CDK14: variants seen among roughly 807,000 people sequenced by gnomAD.
The protein encoded by CDK14 is cyclin-dependent kinase 14.
A neutral mutation model predicts 60.7 loss-of-function variants in CDK14; 34 were observed. The ratio of observed to expected loss-of-function variants is 0.56; its 90% CI spans 0.43 to 0.75. The LOEUF (loss-of-function observed/expected upper bound fraction) is 0.75. Among genes scored for constraint, CDK14 ranks in the 30% least tolerant of loss-of-function variants. CDK14 has a pLI of 0.00. For synonymous variants in CDK14, 197 were observed against 203.7 expected (o/e 0.97, Z 0.28); for missense variants, 482 against 564.1 (o/e 0.85, Z 1.47).
intron 1 of CDK14, among the ~76,000 whole-genome samples, chr7:90,600,056 T>C (rs1197812282): frequency 6.6e-6 from 1 of 152,236 alleles, no homozygotes; most frequent in East Asian, 1.9e-4. Context: ...CAAGCCATAG[T>C]GCTCTAATTT....
chr7:90,909,575 T>G (rs1461218645), intron 7 of CDK14, among the ~76,000 whole-genome samples: 1 of 152,030 alleles, frequency 6.6e-6, no homozygotes, highest in Non-Finnish European at 1.5e-5. Flanking sequence ...ATAAGTCTCC[T>G]AGCTCTAGAT....
chr7:90,692,199 G>C (rs144484307), intron 2 of CDK14, among the ~76,000 whole-genome samples: 1 of 152,036 alleles, frequency 6.6e-6, no homozygotes, highest in Non-Finnish European at 1.5e-5. Context: ...TTCTTATATC[G>C]TTGGTCCATC....
At chr7:90,919,610 T>G (rs1363612442) in intron 8 of CDK14, among the ~76,000 whole-genome samples, 2 of 152,240 alleles carry the variant, frequency 1.3e-5, no homozygotes, top group Admixed American at 6.5e-5. Context: ...CATTCCTTGC[T>G]TCACTTGCAT....
chr7:91,124,506 CT>C lies in CDK14; in HGVS notation c.*28+6308del, dbSNP rs532460764. Among the ~76,000 whole-genome samples, 420 of 147,758 alleles carry C rather than the reference CT, an allele frequency of 2.8e-3. 3 individuals are homozygous for C. Among genetic ancestry groups the C allele is most frequent in the South Asian group, 0.013 (60 of 4,616 alleles). ...ATAATAAATTTTTGCCCTTTCTTTC[CT>C]TTTTTTTTTCTCTGATTAAGGTTTT... On this transcript the variant is annotated intron_variant, in intron 14 of 14. Transcript: ENST00000380050.
At chr7:90,790,019 A>C (rs943771259) in intron 4 of CDK14, among the ~76,000 whole-genome samples, 1 of 152,116 alleles carries the variant, frequency 6.6e-6, no homozygotes, top group South Asian at 2.1e-4. Context: ...ACATACTGTA[A>C]TATAAAGCAC....
At chr7:90,773,645 T>G (rs1229746930) in intron 4 of CDK14, among the ~76,000 whole-genome samples, 1 of 152,182 alleles carries the variant, frequency 6.6e-6, no homozygotes, top group Non-Finnish European at 1.5e-5. Flanking sequence ...TAGCTGAAAT[T>G]AAAGGTGTGA....
chr7:90,965,782 T>A (rs1320951099), intron 9 of CDK14, among the ~76,000 whole-genome samples: 1 of 152,236 alleles, frequency 6.6e-6, no homozygotes. Context: ...ATATCATTAA[T>A]GATAATGTAT....
intron 2 of CDK14, chr7:90,631,852 C>T (rs1251483963): frequency 6.6e-6 from 1 of 152,222 alleles, no homozygotes; most frequent in Admixed American, 6.5e-5. Flanking sequence ...GGAAAAAGGT[C>T]ACTGAAGGTG....
At chr7:91,160,721 A>G (rs527498812) in intron 14 of CDK14, among the ~76,000 whole-genome samples, 1 of 151,822 alleles carries the variant, frequency 6.6e-6, no homozygotes, top group Admixed American at 6.6e-5. Flanking sequence ...CATGCTTGCT[A>G]TTTCCTTTTT....
At chr7:90,645,622 ACT>A (rs1029879850) in intron 2 of CDK14, among the ~76,000 whole-genome samples, 6 of 152,046 alleles carry the variant, frequency 3.9e-5, no homozygotes, top group Non-Finnish European at 7.4e-5. Context: ...ATGAGATCTC[ACT>A]CTGTCATCAG....
chr7:91,029,504 G>A (rs1796693767), intron 10 of CDK14, among the ~76,000 whole-genome samples: 1 of 150,884 alleles, frequency 6.6e-6, no homozygotes, highest in Non-Finnish European at 1.5e-5. Flanking sequence ...TTTAATCGGT[G>A]TTTTATAGTT....
intron 2 of CDK14, among the ~76,000 whole-genome samples, chr7:90,637,188 G>T (rs76427178): frequency 0.85 from 128,406 of 150,894 alleles, 54,752 homozygotes; most frequent in East Asian, 1. Flanking sequence ...TTTTGAATGT[G>T]TTTGCTCTTG....
chr7:90,681,618 C>T (rs1801319137), intron 2 of CDK14, among the ~76,000 whole-genome samples: 1 of 151,960 alleles, frequency 6.6e-6, no homozygotes, highest in East Asian at 1.9e-4. Flanking sequence ...AATATAAGTG[C>T]ATAAAAAAGA....
chr7:91,194,214 A>G (rs1029807974), intron 14 of CDK14, among the ~76,000 whole-genome samples: 3 of 152,222 alleles, frequency 2.0e-5, no homozygotes, highest in African/African-American at 7.2e-5. Flanking sequence ...AGTATTTTAT[A>G]TCGTGTTTGG....
intron 6 of CDK14, among the ~76,000 whole-genome samples, chr7:90,885,898 A>G (rs985753003): frequency 7.2e-5 from 11 of 152,102 alleles, no homozygotes; most frequent in Admixed American, 2.0e-4. Flanking sequence ...AAAACACACC[A>G]GGGCCTGTTG....
intron 5 of CDK14, among the ~76,000 whole-genome samples, chr7:90,856,257 T>G (rs1307633129): frequency 6.6e-6 from 1 of 152,172 alleles, no homozygotes; most frequent in Non-Finnish European, 1.5e-5. Context: ...ACGTTTAGAG[T>G]TGGCTATGAC....
chr7:90,743,374 G>A (rs927680409), intron 3 of CDK14, among the ~76,000 whole-genome samples: 2 of 152,040 alleles, frequency 1.3e-5, no homozygotes, highest in Admixed American at 6.5e-5. Flanking sequence ...TAATTGCATT[G>A]TGTTCAGAAA....
At chr7:91,121,609 C>T (rs548840260) in intron 14 of CDK14, among the ~76,000 whole-genome samples, 1 of 152,118 alleles carries the variant, frequency 6.6e-6, no homozygotes, top group Non-Finnish European at 1.5e-5. Flanking sequence ...GGCTTTGCAG[C>T]AGAAAGCAAT....
chr7:91,018,330 C>T (rs768776286), intron 10 of CDK14, among the ~76,000 whole-genome samples: 5 of 152,064 alleles, frequency 3.3e-5, no homozygotes, highest in Non-Finnish European at 5.9e-5. Context: ...CTTTGAGTTG[C>T]CATAACAAAA....
Sources: allele counts gnomAD v4.1 joint callset (sites outside exome capture counted in the v4.1 genomes callset), GRCh38; gene constraint gnomAD v4.1.1; transcripts MANE v1.5; gene names NCBI Gene and HGNC (gene_info 2026-07-23, HGNC 2026-07-21).